NKAIN2: variants seen among roughly 807,000 people sequenced by gnomAD.
NKAIN2 encodes sodium/potassium-transporting ATPase subunit beta-1-interacting protein 2.
In NKAIN2, 14 loss-of-function variants were observed where a neutral mutation model predicts 32.6. The ratio of observed to expected loss-of-function variants is 0.43; its 90% CI spans 0.28 to 0.67. The LOEUF (loss-of-function observed/expected upper bound fraction) is 0.67, where lower values mean the gene tolerates loss of function less well. NKAIN2 is among the 30% of genes least tolerant of loss of function. NKAIN2 has a pLI of 0.17. For synonymous variants in NKAIN2, 80 were observed against 87.2 expected (o/e 0.92, Z 0.46); for missense variants, 198 against 258.3 (o/e 0.77, Z 1.60).
At chr6:123,999,990 T>G (rs1472025181) in intron 1 of NKAIN2, among the ~76,000 whole-genome samples, 1 of 152,112 alleles carries the variant, frequency 6.6e-6, no homozygotes, top group Non-Finnish European at 1.5e-5. Context: ...AATTCTAAAT[T>G]TATTTAAATT....
intron 1 of NKAIN2, among the ~76,000 whole-genome samples, chr6:123,922,934 G>C (rs949761776): frequency 6.6e-6 from 1 of 152,170 alleles, no homozygotes; most frequent in East Asian, 1.9e-4. Flanking sequence ...TGAAATACAT[G>C]TAATTATTTT....
Position 124,243,509 on chromosome 6 carries a change from G to GA in NKAIN2, c.55-39485dup, listed in dbSNP as rs796965217. Among the ~76,000 whole-genome samples the GA allele has an allele frequency of 3.0e-3, 426 of 139,908 alleles. 3 individuals are homozygous for GA. Among genetic ancestry groups the GA allele is most frequent in the Middle Eastern group, 0.011 (3 of 276 alleles). The allele number at this position is 139,908 out of a possible 152,430, so 91.8% of individuals were successfully genotyped here. On this transcript the variant is annotated intron_variant, in intron 1 of 6. Transcript: ENST00000368417. ...GACCCCGTCTCAAAGAAAAAGGAAAGAAAAAAAAAAAGAAGGAAGATGCTG... is the reference window on the plus strand; with the variant it reads ...GACCCCGTCTCAAAGAAAAAGGAAAGAAAAAAAAAAAAGAAGGAAGATGCTG...
intron 3 of NKAIN2, among the ~76,000 whole-genome samples, chr6:124,599,559 T>C (rs1278721065): frequency 1.3e-5 from 2 of 152,200 alleles, no homozygotes; most frequent in African/African-American, 2.4e-5. Context: ...GTGATCCTTG[T>C]ACCCTGAGTA....
intron 3 of NKAIN2, among the ~76,000 whole-genome samples, chr6:124,443,878 T>C (rs1323199589): frequency 1.3e-5 from 2 of 152,040 alleles, no homozygotes; most frequent in Non-Finnish European, 1.5e-5. Context: ...TTCTTTGTGT[T>C]CTTAACTCTT....
At chr6:123,978,788 G>A (rs949175514) in intron 1 of NKAIN2, among the ~76,000 whole-genome samples, 13 of 152,120 alleles carry the variant, frequency 8.5e-5, no homozygotes, top group Admixed American at 6.6e-4. Flanking sequence ...ACCATGCAAA[G>A]TATATTGTCA....
intron 1 of NKAIN2, among the ~76,000 whole-genome samples, chr6:123,911,811 A>ATATGTGTATATATATATATG (rs1562253493): frequency 1.0e-5 from 1 of 96,654 alleles, no homozygotes; most frequent in African/African-American, 5.7e-5. Flanking sequence ...GTATATATAT[A>ATATGTGTATATATATATATG]TACACACACA....
Position 124,244,066 on chromosome 6 carries a change from CT to C in NKAIN2, c.55-38929del, listed in dbSNP as rs375686499. Among the ~76,000 whole-genome samples the C allele has an allele frequency of 2.0e-3, 276 of 139,386 alleles. No individual in the cohort carries two copies. The East Asian group carries it at 0.023, about 12-fold the overall frequency. 91.4% of individuals were successfully genotyped at this position (139,386 alleles called of 152,430 possible). On this transcript the variant is annotated intron_variant, in intron 1 of 6. Coordinates refer to ENST00000368417, the MANE Select transcript of NKAIN2 (RefSeq NM_001040214.3). ...AATGATTTCTTTCTGTAAAAGATAT[CT>C]TTTTTTTTTAATAATTTAATTAGTT...
chr6:124,823,302 T>C lies in NKAIN2; in HGVS notation c.*73T>C, dbSNP rs1003037346. 1.9e-6 allele frequency: 2 copies of C among 1,033,944 alleles called. No homozygotes were observed. The highest frequency in any genetic ancestry group is 2.5e-5 in the South Asian group (2 of 79,754). The allele number at this position is 1,033,944 out of a possible 1,614,324, so 64.0% of individuals were successfully genotyped here. On this transcript the variant is annotated 3_prime_UTR_variant, in exon 7 of 7. Transcript: ENST00000368417. The stretch of plus-strand genomic sequence containing the variant: ...TTTCGCAGTGGCCTCCTGCATTTCA[T>C]GAAGAGCAAGAAGCAACTGAGTTTA...
intron 1 of NKAIN2, among the ~76,000 whole-genome samples, chr6:124,110,920 C>CTGGATATGA (rs1785355639): frequency 6.6e-6 from 1 of 152,092 alleles, no homozygotes; most frequent in Admixed American, 6.6e-5. Flanking sequence ...CCAGTTCCCT[C>CTGGATATGA]ATTTTCTATT....
chr6:124,647,830 A>G (rs138552798), intron 3 of NKAIN2, among the ~76,000 whole-genome samples: 3 of 152,200 alleles, frequency 2.0e-5, no homozygotes, highest in East Asian at 1.9e-4. Context: ...CCAAAATATC[A>G]GTCAATTAAT....
At chr6:124,406,833 T>C (rs961082304) in intron 3 of NKAIN2, among the ~76,000 whole-genome samples, 1 of 152,178 alleles carries the variant, frequency 6.6e-6, no homozygotes. Context: ...CTACTGATGT[T>C]GATCATCTTC....
chr6:124,668,578 C>T (rs1022104645), intron 4 of NKAIN2, among the ~76,000 whole-genome samples: 2 of 152,034 alleles, frequency 1.3e-5, no homozygotes, highest in African/African-American at 4.8e-5. Context: ...AGTTTTTCAA[C>T]TCATACGCAT....
intron 3 of NKAIN2, among the ~76,000 whole-genome samples, chr6:124,647,595 A>G (rs920081339): frequency 2.6e-5 from 4 of 151,308 alleles, no homozygotes; most frequent in African/African-American, 9.7e-5. Flanking sequence ...AATATCCTTT[A>G]TACTCTTCAA....
intron 3 of NKAIN2, among the ~76,000 whole-genome samples, chr6:124,570,836 A>G (rs968243130): frequency 6.6e-6 from 1 of 152,174 alleles, no homozygotes; most frequent in African/African-American, 2.4e-5. Context: ...TCCAGACCCC[A>G]TAATGGTAGC....
intron 4 of NKAIN2, among the ~76,000 whole-genome samples, chr6:124,767,847 C>T (rs996860408): frequency 6.6e-6 from 1 of 152,084 alleles, no homozygotes; most frequent in African/African-American, 2.4e-5. Context: ...CGTCTGGTGC[C>T]TCCCACTAAA....
intron 2 of NKAIN2, among the ~76,000 whole-genome samples, chr6:124,354,857 A>AC (rs1037427873): frequency 1.3e-4 from 19 of 149,740 alleles, no homozygotes; most frequent in Admixed American, 2.7e-4. Flanking sequence ...AAAAAAAAAA[A>AC]AAAAACTCAA....
At chr6:124,791,703 T>C (rs558010685) in intron 5 of NKAIN2, among the ~76,000 whole-genome samples, 8 of 152,266 alleles carry the variant, frequency 5.3e-5, no homozygotes, top group Middle Eastern at 3.4e-3. Flanking sequence ...GGAAATGATT[T>C]TAAAATGTGG....
At chr6:124,471,109 A>G (rs955071304) in intron 3 of NKAIN2, among the ~76,000 whole-genome samples, 2 of 152,088 alleles carry the variant, frequency 1.3e-5, no homozygotes, top group African/African-American at 4.8e-5. Context: ...GCCTCAACAG[A>G]AAAAGTTTGC....
At chr6:124,686,922 T>C (rs1438813232) in intron 4 of NKAIN2, among the ~76,000 whole-genome samples, 2 of 151,896 alleles carry the variant, frequency 1.3e-5, no homozygotes, top group Admixed American at 1.3e-4. Flanking sequence ...TGCCAGCAAA[T>C]AGAAAGCAGG....
Sources: gnomAD v4.1 joint callset for allele counts (sites outside exome capture counted in the v4.1 genomes callset) on GRCh38, gnomAD v4.1.1 for gene constraint, MANE v1.5 for transcripts, NCBI Gene and HGNC (gene_info 2026-07-23, HGNC 2026-07-21) for gene names.